The following U2SURP variants were observed in gnomAD, a reference collection of about 807,000 sequenced individuals.
The protein encoded by U2SURP is U2 snRNP associated SURP domain containing, also known as U2 snRNP-associated SURP motif-containing protein.
A neutral mutation model predicts 144.9 loss-of-function variants in U2SURP; 9 were observed. The ratio of observed to expected loss-of-function variants is 0.06; its 90% CI spans 0.04 to 0.11. The LOEUF (loss-of-function observed/expected upper bound fraction) is 0.11. Ranked by LOEUF, U2SURP falls within the 10% of genes least tolerant of loss-of-function variation. The probability of loss-of-function intolerance (pLI) is 1.00; values close to 1 mark genes in which losing one functional copy is unlikely to be tolerated. For missense variants in U2SURP, 724 were observed against 1,226.7 expected, an observed-to-expected ratio of 0.59 and a Z score of 6.12; for synonymous variants, 408 against 396.8, an observed-to-expected ratio of 1.03 and a Z score of -0.33.
intron 24 of U2SURP, among the ~76,000 whole-genome samples, chr3:143,048,575 GAGA>G (rs1286367254): frequency 1.3e-5 from 2 of 152,274 alleles, no homozygotes; most frequent in Admixed American, 6.5e-5. Context: ...TTTGAAAGAA[GAGA>G]AGGAGAGAAC....
At chr3:143,001,960 A>G (rs929462975) in intron 1 of U2SURP, among the ~76,000 whole-genome samples, 2 of 152,232 alleles carry the variant, frequency 1.3e-5, no homozygotes, top group African/African-American at 4.8e-5. Flanking sequence ...TGAGGTCTGA[A>G]GCAGTGAAAA....
In U2SURP at chr3:143,058,865, G is replaced by T. The variant is rs1935263433; in HGVS notation, c.*2415G>T. ...TTGCAGGAAAGATCATGTTCTATCTGTGGACACTTACTGTCCTCTACCACA... is the reference window on the plus strand; with the variant it reads ...TTGCAGGAAAGATCATGTTCTATCTTTGGACACTTACTGTCCTCTACCACA... On this transcript the variant is annotated 3_prime_UTR_variant, in exon 28 of 28. Transcript: ENST00000473835. 1 of 151,890 alleles carries T rather than the reference G, an allele frequency of 6.6e-6. No individual in the cohort carries two copies. The highest frequency in any genetic ancestry group is 6.6e-5 in the Admixed American group (1 of 15,234). The allele number at this position is 151,890 out of a possible 1,614,324, so 9.4% of individuals were successfully genotyped here.
At chr3:143,020,062 C>G (rs1560182785) in intron 7 of U2SURP, 26 bp downstream of exon 7, 1 of 1,390,628 alleles carries the variant, frequency 7.2e-7, no homozygotes, top group Non-Finnish European at 9.7e-7. Context: ...TGGAGAATAA[C>G]TATCATAGGT....
intron 6 of U2SURP, 129 bp downstream of exon 6, chr3:143,017,104 A>ACAAAATAAAAAGCAACATAGCAACG: frequency 3.7e-6 from 3 of 801,966 alleles, no homozygotes; most frequent in Non-Finnish European, 5.4e-6. Context: ...TTAAGTTTTG[A>ACAAAATAAAAAGCAACATAGCAACG]TGCTTTCTAA....
At position 143,037,172 on chromosome 3, in the gene U2SURP, T is replaced by G. The variant is rs1452122457; in HGVS notation, c.2065-7T>G. ...GGAAAATGTTATAATAGTACACATTTCCATAGGATGTTCCAGATGACCTTG... is the reference window on the plus strand; with the variant it reads ...GGAAAATGTTATAATAGTACACATTGCCATAGGATGTTCCAGATGACCTTG... On this transcript the variant is annotated splice_polypyrimidine_tract_variant and splice_region_variant and intron_variant, in intron 20 of 27. Transcript: ENST00000473835. 6.2e-7 allele frequency: 1 copy of G among 1,609,162 alleles called. No homozygotes were observed. Among genetic ancestry groups the G allele is most frequent in the African/African-American group, 1.3e-5 (1 of 74,966 alleles).
chr3:143,027,089 G>T, intron 13 of U2SURP, 60 bp from the exon 14 acceptor site: 1 of 1,255,164 alleles, frequency 8.0e-7, no homozygotes, highest in African/African-American at 1.5e-5. Flanking sequence ...CTTAGGTCAA[G>T]TGTAGTTTTA....
At chr3:143,020,824 T>C in intron 8 of U2SURP, 131 bp downstream of exon 8, 1 of 639,374 alleles carries the variant, frequency 1.6e-6, no homozygotes, top group South Asian at 2.3e-5. Flanking sequence ...TCCTTTTCCT[T>C]ACACATTCAT....
At chr3:143,050,413 A>G (rs780707302) in intron 24 of U2SURP, among the ~76,000 whole-genome samples, 1 of 152,180 alleles carries the variant, frequency 6.6e-6, no homozygotes, top group Non-Finnish European at 1.5e-5. Context: ...TGTCTCATAA[A>G]GTACCCTCCA....
At chr3:143,009,987 G>A (rs978024889) in intron 1 of U2SURP, among the ~76,000 whole-genome samples, 130 of 152,184 alleles carry the variant, frequency 8.5e-4, no homozygotes, top group African/African-American at 2.4e-3. Context: ...TTTCACTACC[G>A]TATACCCTCA....
At chr3:143,008,826 C>T (rs564241174) in intron 1 of U2SURP, among the ~76,000 whole-genome samples, 12 of 152,320 alleles carry the variant, frequency 7.9e-5, no homozygotes, top group African/African-American at 2.4e-4. Flanking sequence ...AGTGCAGTGG[C>T]GCGATCTCAG....
Position 143,010,810 on chromosome 3 carries a change from T to C in U2SURP, c.46-5T>C, listed in dbSNP as rs993530638. The C allele has an allele frequency of 6.2e-6, 10 of 1,604,474 alleles. No individual in the cohort carries two copies. In the African/African-American group the frequency reaches 9.4e-5, roughly 15 times the overall value. ...ATTATTGACTTTTATTTTTGATACTTGTAGACGAGATCATCAGATGTTCAT... is the reference window on the plus strand; with the variant it reads ...ATTATTGACTTTTATTTTTGATACTCGTAGACGAGATCATCAGATGTTCAT... On this transcript the variant is annotated splice_region_variant and splice_polypyrimidine_tract_variant and intron_variant, in intron 1 of 27. Transcript: ENST00000473835.
intron 1 of U2SURP, among the ~76,000 whole-genome samples, chr3:143,002,883 G>T (rs1490503697): frequency 6.6e-6 from 1 of 152,056 alleles, no homozygotes; most frequent in African/African-American, 2.4e-5. Flanking sequence ...ACAAGGTATT[G>T]TGTCAGTTTT....
chr3:143,035,939 T>C lies in U2SURP; in HGVS notation c.1942-43T>C, dbSNP rs548038263. ...CTCATGAACTGAAATTTGAGACATA[T>C]AGCCCAAAATAAAAGTTTGTTGTCT... is the stretch of plus-strand genomic sequence containing the variant. On this transcript the variant is annotated intron_variant, in intron 19 of 27. Transcript: ENST00000473835. 21 of 1,553,394 alleles carry C rather than the reference T, an allele frequency of 1.4e-5. No homozygotes were observed. The African/African-American group carries it at 1.7e-4, about 12-fold the overall frequency.
At chr3:143,017,340 A>G (rs1056941117) in intron 6 of U2SURP, 1 of 159,212 alleles carries the variant, frequency 6.3e-6, no homozygotes, top group African/African-American at 2.4e-5. Context: ...TGTAGTGTAT[A>G]TTTCCCAGAA....
At chr3:143,032,636 GACACA>G (rs1933572587) in intron 16 of U2SURP, 143 bp from the exon 17 acceptor site, 1 of 576,722 alleles carries the variant, frequency 1.7e-6, no homozygotes, top group Non-Finnish European at 2.8e-6. Flanking sequence ...AATTTTGGGG[GACACA>G]ACACAAATCA....
At chr3:143,049,908 ATATAAG>A (rs1475620940) in intron 24 of U2SURP, among the ~76,000 whole-genome samples, 3 of 152,188 alleles carry the variant, frequency 2.0e-5, no homozygotes, top group East Asian at 1.9e-4. Flanking sequence ...CATTGCCAGT[ATATAAG>A]TATATTACAT....
At chr3:143,027,972 T>TA (rs1164169937) in intron 14 of U2SURP, among the ~76,000 whole-genome samples, 5 of 152,196 alleles carry the variant, frequency 3.3e-5, no homozygotes, top group African/African-American at 9.6e-5. Flanking sequence ...TCTGAATTGT[T>TA]ACGGTATTCT....
chr3:143,032,056 T>C (rs1293748709), intron 16 of U2SURP, among the ~76,000 whole-genome samples: 3 of 152,006 alleles, frequency 2.0e-5, no homozygotes, highest in African/African-American at 4.8e-5. Context: ...CTGCAAAGCC[T>C]AAAATATTTG....
intron 13 of U2SURP, among the ~76,000 whole-genome samples, chr3:143,025,183 T>C (rs1933060009): frequency 1.3e-5 from 2 of 152,300 alleles, no homozygotes; most frequent in Admixed American, 1.3e-4. Flanking sequence ...ATTTATCAGT[T>C]ACAAGCCTGT....
Sources: gnomAD v4.1 joint callset for allele counts (sites outside exome capture counted in the v4.1 genomes callset) on GRCh38, gnomAD v4.1.1 for gene constraint, MANE v1.5 for transcripts, NCBI Gene and HGNC (gene_info 2026-07-23, HGNC 2026-07-21) for gene names.